Variants in SPDYE14 observed in about 807,000 individuals in gnomAD.
The protein encoded by SPDYE14 is speedy protein E14.
the SPDYE14 span, among the ~76,000 whole-genome samples, chr7:75,279,405 GC>G: frequency 8.9e-6 from 1 of 112,570 alleles, no homozygotes; most frequent in Admixed American, 9.3e-5. Flanking sequence ...TCTCACCTCA[GC>G]CTCCCGAGTA....
chr7:75,266,149 C>CTT, the SPDYE14 span, among the ~76,000 whole-genome samples: 12 of 10,142 alleles, frequency 1.2e-3, no homozygotes, highest in African/African-American at 1.9e-3. Context: ...CTTTCTTTTC[C>CTT]TTTTTTTTTT....
chr7:75,262,234 TAAAAC>T, the SPDYE14 span, among the ~76,000 whole-genome samples: 4 of 61,726 alleles, frequency 6.5e-5, no homozygotes, highest in African/African-American at 1.4e-4. Flanking sequence ...ACTAAATAAA[TAAAAC>T]AAACAAAATC....
chr7:75,267,856 C>T, the SPDYE14 span, among the ~76,000 whole-genome samples: 5 of 104,374 alleles, frequency 4.8e-5, no homozygotes, highest in Admixed American at 3.4e-4. Context: ...CCTGATTCAG[C>T]CTCCTGAGTA....
At chr7:75,241,694 TA>T in the SPDYE14 span, among the ~76,000 whole-genome samples, 457 of 22,222 alleles carry the variant, frequency 0.021, 65 homozygotes, top group African/African-American at 0.043. Context: ...TATATATATA[TA>T]TTTTTTTTTT....
At chr7:75,240,632 T>TA in the SPDYE14 span, among the ~76,000 whole-genome samples, 11 of 54,286 alleles carry the variant, frequency 2.0e-4, no homozygotes, top group Admixed American at 5.1e-4. Context: ...ACAACAACAA[T>TA]AAAAAAAAAA....
At chr7:75,271,388 C>A in the SPDYE14 span, among the ~76,000 whole-genome samples, 1 of 39,252 alleles carries the variant, frequency 2.5e-5, no homozygotes, top group African/African-American at 5.7e-5. Flanking sequence ...AAAACCAAAA[C>A]CAACCAACCA....
the SPDYE14 span, among the ~76,000 whole-genome samples, chr7:75,249,620 TCCTTCCTTCCTTCCTTCCTC>T: frequency 1.6e-5 from 1 of 62,734 alleles, no homozygotes; most frequent in African/African-American, 6.0e-5. Flanking sequence ...CTTCCTTCCT[TCCTTCCTTCCTTCCTTCCTC>T]CCTCCCTCCC....
At chr7:75,247,428 AAGAG>A in the SPDYE14 span, among the ~76,000 whole-genome samples, 5 of 61,526 alleles carry the variant, frequency 8.1e-5, no homozygotes, top group South Asian at 6.5e-4. Flanking sequence ...GAAAAGATGA[AAGAG>A]AGAGAGAAAG....
chr7:75,264,513 G>A, the SPDYE14 span, among the ~76,000 whole-genome samples: 3 of 55,538 alleles, frequency 5.4e-5, 1 homozygote, highest in Non-Finnish European at 9.1e-5. Flanking sequence ...TTGATACTAC[G>A]TAGACTATAA....
chr7:75,265,314 G>A, the SPDYE14 span, among the ~76,000 whole-genome samples: 1 of 82,294 alleles, frequency 1.2e-5, no homozygotes, highest in Non-Finnish European at 2.4e-5. Context: ...TCATGATGTT[G>A]GTCAGGATAA....
the SPDYE14 span, among the ~76,000 whole-genome samples, chr7:75,273,955 A>C: frequency 8.5e-5 from 1 of 11,758 alleles, no homozygotes; most frequent in South Asian, 3.4e-3. Flanking sequence ...GATTCTCCTG[A>C]CTCAGCCTCC....
chr7:75,271,252 G>T, the SPDYE14 span, among the ~76,000 whole-genome samples: 21,446 of 44,318 alleles, frequency 0.48, 9,155 homozygotes, highest in Middle Eastern at 0.81. Flanking sequence ...GCATGGTGGT[G>T]CATGCCTGTA....
the SPDYE14 span, among the ~76,000 whole-genome samples, chr7:75,269,122 G>A: frequency 7.0e-5 from 2 of 28,414 alleles, 1 homozygote; most frequent in African/African-American, 1.4e-4. Flanking sequence ...GTTGCAGTGA[G>A]CTGAGATCGC....
At chr7:75,273,026 G>A in the SPDYE14 span, among the ~76,000 whole-genome samples, 8 of 59,642 alleles carry the variant, frequency 1.3e-4, 2 homozygotes, top group Middle Eastern at 9.1e-3. Context: ...TCCCCTCCGT[G>A]CTGTTTTCAT....
the SPDYE14 span, among the ~76,000 whole-genome samples, chr7:75,262,818 CAACA>C: frequency 7.5e-4 from 38 of 50,836 alleles, 4 homozygotes; most frequent in African/African-American, 1.7e-3. Context: ...TCTGTCTCAA[CAACA>C]AACAAACAAA....
At chr7:75,267,728 T>TTTTATTTATTTATTTATTTATTTA in the SPDYE14 span, among the ~76,000 whole-genome samples, 380 of 112,424 alleles carry the variant, frequency 3.4e-3, 6 homozygotes, top group East Asian at 5.0e-3. Context: ...GTCTGCATGA[T>TTTTATTTATTTATTTATTTATTTA]TTTATTTATT....
chr7:75,251,669 TTGACA>T, the SPDYE14 span, among the ~76,000 whole-genome samples: 3 of 16,226 alleles, frequency 1.8e-4, no homozygotes, highest in African/African-American at 4.4e-4. Flanking sequence ...GTCAGTTTAC[TTGACA>T]TATTAAAAAT....
At chr7:75,279,744 G>A in the SPDYE14 span, among the ~76,000 whole-genome samples, 170 of 53,432 alleles carry the variant, frequency 3.2e-3, 50 homozygotes, top group African/African-American at 6.2e-3. Context: ...ACCTGGCCCC[G>A]TCTAATTTTT....
At chr7:75,275,071 C>CT in the SPDYE14 span, among the ~76,000 whole-genome samples, 12 of 59,832 alleles carry the variant, frequency 2.0e-4, 1 homozygote, top group South Asian at 4.9e-3. Flanking sequence ...GTCAGCCCCC[C>CT]GCCCGGCCAG....
Sources: allele counts gnomAD v4.1 joint callset (sites outside exome capture counted in the v4.1 genomes callset), GRCh38; gene constraint gnomAD v4.1.1; transcripts MANE v1.5; gene names NCBI Gene and HGNC (gene_info 2026-07-23, HGNC 2026-07-21).